Variants in EBF3 observed in about 807,000 individuals in gnomAD.
EBF3 encodes the protein transcription factor COE3.
EBF3 carries 18 observed loss-of-function variants against 77.1 expected under a neutral mutation model. That is an observed-to-expected ratio of 0.23 (90% CI 0.16 to 0.35). EBF3 has a LOEUF of 0.35. Among genes scored for constraint, EBF3 ranks in the 10% least tolerant of loss-of-function variants. The pLI, the probability that EBF3 is intolerant of heterozygous loss-of-function variation, is 1.00. For missense variants in EBF3, 558 were observed against 860.0 expected (o/e 0.65, Z 4.39); for synonymous variants, 350 against 343.5 (o/e 1.02, Z -0.21).
Position 129,861,579 on chromosome 10 carries a change from A to G in EBF3, c.1039+5562T>C, listed in dbSNP as rs2134044221. Among the ~76,000 whole-genome samples the G allele has an allele frequency of 6.6e-6, 1 of 152,118 alleles. No homozygotes were observed. The highest frequency in any genetic ancestry group is 2.4e-5 in the African/African-American group (1 of 41,510). ...TCACTGGGGATCATGGGGGGGACAC[A>G]GACATCCTTGGACACCATTGACTGG... is the stretch of plus-strand genomic sequence containing the variant. On this transcript the variant is annotated intron_variant, in intron 10 of 16. Coordinates refer to ENST00000440978, the MANE Select transcript of EBF3 (RefSeq NM_001375380.1). The surrounding 1 kb of genome is among the most constrained non-coding windows in gnomAD (Gnocchi z 4.3).
At position 129,871,981 on chromosome 10, in the gene EBF3, A is replaced by G. The variant is rs535180338; in HGVS notation, c.781+1471T>C. Among the ~76,000 whole-genome samples the G allele has an allele frequency of 5.9e-5, 9 of 152,364 alleles. No individual in the cohort carries two copies. In the South Asian group the frequency reaches 1.7e-3, roughly 28 times the overall value. On this transcript the variant is annotated intron_variant, in intron 8 of 16. Transcript: ENST00000440978. Reference sequence around the variant, plus strand: ...GTTGGGTTTTATCTCCAAGGTACCCACTAGTGGCCTTTATTTCTCTAAACG... The same window carrying G: ...GTTGGGTTTTATCTCCAAGGTACCCGCTAGTGGCCTTTATTTCTCTAAACG...
chr10:129,874,320 C>A (rs1221478097), intron 7 of EBF3, among the ~76,000 whole-genome samples: 1 of 152,060 alleles, frequency 6.6e-6, no homozygotes, highest in Non-Finnish European at 1.5e-5. Context: ...CAAAGGATGT[C>A]GAGGGGAGAG....
At position 129,952,148 on chromosome 10, in the gene EBF3, G is replaced by A. The variant is rs990065075; in HGVS notation, c.554+5110C>T. ...GTATTAAAACAGACCCTGAACCAAAGAGCATCTCCAATGCACAGCCTCCGC... is the reference window on the plus strand; with the variant it reads ...GTATTAAAACAGACCCTGAACCAAAAAGCATCTCCAATGCACAGCCTCCGC... On this transcript the variant is annotated intron_variant, in intron 6 of 16. Coordinates refer to ENST00000440978, the MANE Select transcript of EBF3 (RefSeq NM_001375380.1). This position sits in a 1 kb window ranked among gnomAD's most constrained non-coding sequence, Gnocchi z 4.7. 6.6e-6 allele frequency among the ~76,000 whole-genome samples: 1 copy of A among 152,134 alleles called. No individual in the cohort carries two copies. Among genetic ancestry groups the A allele is most frequent in the African/African-American group, 2.4e-5 (1 of 41,422 alleles).
At chr10:129,911,854 G>A (rs140611380) in intron 6 of EBF3, among the ~76,000 whole-genome samples, 1,806 of 152,288 alleles carry the variant, frequency 0.012, 17 homozygotes, top group South Asian at 0.02. Context: ...TTCGGCAGCC[G>A]AAGGGAGCTT....
chr10:129,916,548 G>C (rs1290899555), intron 6 of EBF3, among the ~76,000 whole-genome samples: 2 of 152,232 alleles, frequency 1.3e-5, no homozygotes, highest in Non-Finnish European at 2.9e-5. Flanking sequence ...TTTGAGAGCA[G>C]TGGAGTTGAA....
Position 129,941,150 on chromosome 10 carries a change from T to C in EBF3, c.554+16108A>G, listed in dbSNP as rs192360176. ...AGGAAAGTAAAACATCCTACCTCCA[T>C]AGTAGATTGAGATAAATAACCACTA... On this transcript the variant is annotated intron_variant, in intron 6 of 16. Transcript: ENST00000440978. Among the ~76,000 whole-genome samples the C allele has an allele frequency of 1.9e-3, 282 of 152,338 alleles. 2 individuals are homozygous for C. Among genetic ancestry groups the C allele is most frequent in the Non-Finnish European group, 2.0e-3 (134 of 68,036 alleles).
At chr10:129,867,732 C>T (rs780756297) in intron 9 of EBF3, 50 bp downstream of exon 9, 2 of 1,605,402 alleles carry the variant, frequency 1.2e-6, no homozygotes, top group Non-Finnish European at 8.5e-7. Context: ...TTGTCAAATC[C>T]ATTCATGAAG....
chr10:129,961,855 A>G (rs189254212), intron 4 of EBF3, among the ~76,000 whole-genome samples: 2 of 152,366 alleles, frequency 1.3e-5, no homozygotes, highest in African/African-American at 4.8e-5. Flanking sequence ...CAGAGAGAGA[A>G]GCATTTAAAA....
At chr10:129,924,886 T>C (rs1013117940) in intron 6 of EBF3, among the ~76,000 whole-genome samples, 2 of 152,048 alleles carry the variant, frequency 1.3e-5, no homozygotes, top group Non-Finnish European at 2.9e-5. Flanking sequence ...CTTAGGCTGG[T>C]CTCAAACTCC....
At chr10:129,908,534 C>T (rs1006222444) in intron 6 of EBF3, among the ~76,000 whole-genome samples, 5 of 152,190 alleles carry the variant, frequency 3.3e-5, no homozygotes, top group African/African-American at 1.2e-4. Context: ...CTAGAGGAGA[C>T]GGGATATACC....
chr10:129,926,491 G>T (rs1029219845), intron 6 of EBF3, among the ~76,000 whole-genome samples: 1 of 152,084 alleles, frequency 6.6e-6, no homozygotes, highest in Admixed American at 6.5e-5. Context: ...GACAATCCGC[G>T]GTGCATGGAC....
chr10:129,963,911 C>G lies in EBF3; in HGVS notation c.-143G>C. On this transcript the variant is annotated 5_prime_UTR_variant, in exon 1 of 17. Coordinates refer to ENST00000440978, the MANE Select transcript of EBF3 (RefSeq NM_001375380.1). This position sits in a 1 kb window ranked among gnomAD's most constrained non-coding sequence, Gnocchi z 7.1. ...TCCGGCCCCGCCGCCGGCTTCAGCC[C>G]GTCCCGGGCAGGCGCGACATACACC... The G allele has an allele frequency of 1.8e-6, 2 of 1,120,404 alleles. No homozygotes were observed. The highest frequency in any genetic ancestry group is 1.1e-6 in the Non-Finnish European group (1 of 919,776). 69.4% of individuals were successfully genotyped at this position (1,120,404 alleles called of 1,614,324 possible).
rs894030643 is a variant in EBF3, at chr10:129,897,487, G to C, written c.555-19638C>G. ...GCAGACTGGCTCCCCCTAAATCAAG[G>C]GGGGCCAGGCAGACCTAACAAACAG... On this transcript the variant is annotated intron_variant, in intron 6 of 16. Coordinates refer to ENST00000440978, the MANE Select transcript of EBF3 (RefSeq NM_001375380.1). This position sits in a 1 kb window ranked among gnomAD's most constrained non-coding sequence, Gnocchi z 4.6. Among the ~76,000 whole-genome samples the C allele has an allele frequency of 2.0e-5, 3 of 152,134 alleles. No homozygotes were observed. The highest frequency in any genetic ancestry group is 2.0e-4 in the Admixed American group (3 of 15,278).
intron 6 of EBF3, among the ~76,000 whole-genome samples, chr10:129,881,104 C>G (rs1853175390): frequency 6.6e-6 from 1 of 152,140 alleles, no homozygotes; most frequent in Non-Finnish European, 1.5e-5. Context: ...GAGTCTGGTA[C>G]ACAAAGAATT....
At chr10:129,956,950 T>C (rs536988485) in intron 6 of EBF3, among the ~76,000 whole-genome samples, 2 of 152,252 alleles carry the variant, frequency 1.3e-5, no homozygotes, top group Admixed American at 1.3e-4. Context: ...AAGCATTTTA[T>C]GACACATCTC....
chr10:129,960,048 C>T (rs1427432602), intron 4 of EBF3, among the ~76,000 whole-genome samples: 1 of 151,482 alleles, frequency 6.6e-6, no homozygotes, highest in African/African-American at 2.4e-5. Flanking sequence ...GGAACCCGAG[C>T]TGGGGATCGG....
In EBF3 at chr10:129,963,192, GC is replaced by G; in HGVS notation, c.291+174del. 8.7e-7 allele frequency: 1 copy of G among 1,152,940 alleles called. No individual in the cohort carries two copies. The highest frequency in any genetic ancestry group is 1.2e-6 in the Non-Finnish European group (1 of 835,034). 71.4% of individuals were successfully genotyped at this position (1,152,940 alleles called of 1,614,324 possible). A position where few individuals can be genotyped will look rare whatever the true frequency, so the allele number is the denominator to read the frequency against. Reference sequence around the variant, plus strand: ...CTCCTCGCCCCGAGTAAGTCCGAGGGCGCAGAGAAGTTGCCCAGCCCTCGGC... The same window carrying G: ...CTCCTCGCCCCGAGTAAGTCCGAGGGGCAGAGAAGTTGCCCAGCCCTCGGC... On this transcript the variant is annotated intron_variant, in intron 2 of 16. Coordinates refer to ENST00000440978, the MANE Select transcript of EBF3 (RefSeq NM_001375380.1). The surrounding 1 kb of genome is among the most constrained non-coding windows in gnomAD (Gnocchi z 7.1).
At chr10:129,849,306 G>A (rs1850693479) in intron 10 of EBF3, among the ~76,000 whole-genome samples, 1 of 152,244 alleles carries the variant, frequency 6.6e-6, no homozygotes, top group African/African-American at 2.4e-5. Context: ...ACTTATTGGA[G>A]TACATTACTT....
chr10:129,919,994 G>A (rs1223139682), intron 6 of EBF3, among the ~76,000 whole-genome samples: 1 of 147,862 alleles, frequency 6.8e-6, no homozygotes, highest in South Asian at 2.1e-4. Flanking sequence ...TCTCCAGGAG[G>A]GCCATAAACC....
Sources: allele counts gnomAD v4.1 joint callset (sites outside exome capture counted in the v4.1 genomes callset), GRCh38; gene constraint gnomAD v4.1.1; non-coding constraint Gnocchi (gnomAD v3.1); transcripts MANE v1.5; gene names NCBI Gene and HGNC (gene_info 2026-07-23, HGNC 2026-07-21).